The following LHPP variants were observed in gnomAD, a reference collection of about 807,000 sequenced individuals.
The protein encoded by LHPP is phospholysine phosphohistidine inorganic pyrophosphate phosphatase.
In LHPP, 24 loss-of-function variants were observed where a neutral mutation model predicts 30.3. The ratio of observed to expected loss-of-function variants is 0.79; its 90% CI spans 0.57 to 1.11. LHPP has a LOEUF of 1.11. Among genes scored for constraint, LHPP ranks in the 50% most tolerant of loss-of-function variants. LHPP has a pLI of 0.00. For synonymous variants in LHPP, 150 were observed against 157.1 expected (o/e 0.95, Z 0.34); for missense variants, 356 against 367.2 (o/e 0.97, Z 0.25).
intron 1 of LHPP, among the ~76,000 whole-genome samples, chr10:124,469,377 C>T (rs370412998): frequency 9.4e-4 from 143 of 152,142 alleles, no homozygotes; most frequent in African/African-American, 3.2e-3. Flanking sequence ...GGCCACGGAG[C>T]ACGGGGGAAG....
chr10:124,612,233 A>C (rs958285943), intron 6 of LHPP, among the ~76,000 whole-genome samples: 8 of 152,036 alleles, frequency 5.3e-5, no homozygotes, highest in South Asian at 2.1e-4. Flanking sequence ...GCGAAACCCT[A>C]TCTCTACACT....
chr10:124,470,349 G>C (rs908326416), intron 1 of LHPP, among the ~76,000 whole-genome samples: 2 of 152,012 alleles, frequency 1.3e-5, no homozygotes, highest in South Asian at 4.2e-4. Context: ...CTTGGCCCAG[G>C]GCAGCCTCAT....
chr10:124,581,565 G>A (rs1352138868), intron 6 of LHPP, among the ~76,000 whole-genome samples: 1 of 152,100 alleles, frequency 6.6e-6, no homozygotes, highest in Non-Finnish European at 1.5e-5. Context: ...CCTTACCAAC[G>A]CTTCTTATCT....
At chr10:124,491,718 G>A (rs1356495540) in intron 3 of LHPP, among the ~76,000 whole-genome samples, 1 of 152,160 alleles carries the variant, frequency 6.6e-6, no homozygotes, top group Admixed American at 6.5e-5. Context: ...TGAGGCCAGG[G>A]GTTCAAGACC....
At chr10:124,610,762 T>A (rs1337084943) in intron 6 of LHPP, among the ~76,000 whole-genome samples, 1 of 63,734 alleles carries the variant, frequency 1.6e-5, no homozygotes, top group Non-Finnish European at 3.1e-5. Flanking sequence ...CGGGTGAGGG[T>A]GCGGGTGAGG....
intron 6 of LHPP, among the ~76,000 whole-genome samples, chr10:124,608,345 A>C (rs565227963): frequency 1.4e-4 from 21 of 152,092 alleles, no homozygotes; most frequent in South Asian, 4.2e-4. Context: ...TGGCCAGCCC[A>C]GCCCCAGCCC....
chr10:124,602,505 C>G (rs1337055847), intron 6 of LHPP, among the ~76,000 whole-genome samples: 1 of 152,234 alleles, frequency 6.6e-6, no homozygotes, highest in East Asian at 1.9e-4. Context: ...TCCAGTGAGT[C>G]TGTGGCTCCT....
chr10:124,513,073 A>AGTTTGTTTGTTTGTTT (rs113429645), intron 5 of LHPP, among the ~76,000 whole-genome samples: 48 of 151,334 alleles, frequency 3.2e-4, no homozygotes, highest in Non-Finnish European at 4.1e-4. Flanking sequence ...GAAGACATGT[A>AGTTTGTTTGTTTGTTT]GTTTGTTTGT....
intron 6 of LHPP, among the ~76,000 whole-genome samples, chr10:124,602,036 G>A (rs75535289): frequency 0.011 from 1,639 of 152,326 alleles, 29 homozygotes; most frequent in African/African-American, 0.037. Flanking sequence ...AGCTCCATCC[G>A]GGGGTGGGTG....
chr10:124,575,324 G>A (rs975949836), intron 6 of LHPP, among the ~76,000 whole-genome samples: 1 of 152,070 alleles, frequency 6.6e-6, no homozygotes, highest in African/African-American at 2.4e-5. Context: ...GGGAGCATCC[G>A]ACAAAACCAA....
chr10:124,498,569 G>A, intron 5 of LHPP: 1 of 1,108,462 alleles, frequency 9.0e-7, no homozygotes, highest in Non-Finnish European at 1.2e-6. Flanking sequence ...TTTTAGAAAG[G>A]AAAAAGAATC....
chr10:124,580,284 A>G (rs951886524), intron 6 of LHPP, among the ~76,000 whole-genome samples: 2 of 152,234 alleles, frequency 1.3e-5, no homozygotes. Context: ...TGTATTAATC[A>G]TGATGTTGTA....
At chr10:124,512,022 G>T (rs1024304130) in intron 5 of LHPP, among the ~76,000 whole-genome samples, 3 of 152,130 alleles carry the variant, frequency 2.0e-5, no homozygotes, top group African/African-American at 4.8e-5. Flanking sequence ...AGCCCAGTAG[G>T]TCAGGAGGTC....
intron 6 of LHPP, among the ~76,000 whole-genome samples, chr10:124,612,077 G>C (rs1441161083): frequency 6.6e-6 from 1 of 152,086 alleles, no homozygotes; most frequent in African/African-American, 2.4e-5. Context: ...ACAGCCCCTA[G>C]GATGAGGTGC....
chr10:124,552,263 C>T (rs548700379), intron 6 of LHPP, among the ~76,000 whole-genome samples: 22 of 152,146 alleles, frequency 1.4e-4, no homozygotes, highest in South Asian at 4.1e-4. Flanking sequence ...ATCCCCATTA[C>T]GGAAACGGAG....
intron 6 of LHPP, among the ~76,000 whole-genome samples, chr10:124,573,001 G>T (rs188766671): frequency 6.6e-6 from 1 of 152,240 alleles, no homozygotes; most frequent in Non-Finnish European, 1.5e-5. Flanking sequence ...GTTGCCTCGC[G>T]TTCAACTGCG....
In LHPP at chr10:124,496,507, T is replaced by A. The variant is rs1403455672; in HGVS notation, c.468-454T>A. Reference sequence around the variant, plus strand: ...GGGATGCGGCAGGGTGCTGTGGAACTAATGGAGTTCTCTTCTTCAGCCAGC... The same window carrying A: ...GGGATGCGGCAGGGTGCTGTGGAACAAATGGAGTTCTCTTCTTCAGCCAGC... On this transcript the variant is annotated intron_variant, in intron 3 of 6. Coordinates refer to ENST00000368842, the MANE Select transcript of LHPP (RefSeq NM_022126.4). The surrounding 1 kb of genome is among the most constrained non-coding windows in gnomAD (Gnocchi z 4.3). Among the ~76,000 whole-genome samples, 1 of 152,200 alleles carries A rather than the reference T, an allele frequency of 6.6e-6. No individual in the cohort carries two copies. The highest frequency in any genetic ancestry group is 1.9e-4 in the East Asian group (1 of 5,200).
At chr10:124,538,358 T>G (rs777298045) in intron 6 of LHPP, among the ~76,000 whole-genome samples, 17 of 152,206 alleles carry the variant, frequency 1.1e-4, no homozygotes, top group Non-Finnish European at 1.5e-4. Context: ...TGAGGTCTCC[T>G]GGGTGCCTTC....
intron 6 of LHPP, among the ~76,000 whole-genome samples, chr10:124,564,931 G>T (rs1564833542): frequency 6.6e-6 from 1 of 152,232 alleles, no homozygotes; most frequent in African/African-American, 2.4e-5. Context: ...AACATCTTAT[G>T]TTCTCACTGA....
Sources: allele counts gnomAD v4.1 joint callset (sites outside exome capture counted in the v4.1 genomes callset), GRCh38; gene constraint gnomAD v4.1.1; non-coding constraint Gnocchi (gnomAD v3.1); transcripts MANE v1.5; gene names NCBI Gene and HGNC (gene_info 2026-07-23, HGNC 2026-07-21).